The following VCAN variants were observed in gnomAD, a reference collection of about 807,000 sequenced individuals.
VCAN encodes versican.
A neutral mutation model predicts 245.5 loss-of-function variants in VCAN; 44 were observed. That is an observed-to-expected ratio of 0.18 (90% CI 0.14 to 0.23). The LOEUF is 0.23. VCAN is among the 10% of genes least tolerant of loss of function. The pLI is 1.00. For synonymous variants in VCAN, 1,413 were observed against 1,437.0 expected (o/e 0.98, Z 0.38); for missense variants, 3,793 against 4,057.9 (o/e 0.93, Z 1.77).
rs544466397 is a variant in VCAN at position 83,510,887 on chromosome 5, G to A, written c.749-1216G>A. Among the ~76,000 whole-genome samples the A allele has an allele frequency of 1.5e-4, 23 of 152,202 alleles. No individual in the cohort carries two copies. In the South Asian group the frequency reaches 4.8e-3, roughly 32 times the overall value. On this transcript the variant is annotated intron_variant, in intron 5 of 14. Transcript: ENST00000265077. ...TCTCACCACTTTGGGAGGCCGAGGCGGGTGGATCACGAGGTCAGGAGTTTG... is the reference window on the plus strand; with the variant it reads ...TCTCACCACTTTGGGAGGCCGAGGCAGGTGGATCACGAGGTCAGGAGTTTG...
At chr5:83,502,175 G>T (rs1745349134) in intron 5 of VCAN, among the ~76,000 whole-genome samples, 1 of 151,974 alleles carries the variant, frequency 6.6e-6, no homozygotes, top group Non-Finnish European at 1.5e-5. Flanking sequence ...CGTTCTAATT[G>T]TTTTTTAGTG....
In VCAN at chr5:83,519,670, T is replaced by G; in HGVS notation, c.1364T>G (p.Ile455Ser). ...GPLGKLDISE[I>S]KEEVLQSTTG... Reference sequence around the variant, plus strand: ...CTTGGAAAGCTAGACATATCAGAAATTAAGGAAGAAGTGCTCCAGAGTACA... The same window carrying G: ...CTTGGAAAGCTAGACATATCAGAAAGTAAGGAAGAAGTGCTCCAGAGTACA... Residue 455 changes from isoleucine (I) to serine (S), a missense_variant, in exon 7 of 15, where the codon ATT becomes AGT. Physicochemically the swap from Ile to Ser is moderately radical, Grantham distance 142 (BLOSUM62 -2). This residue lies in a region of VCAN where 3,182 missense variants were observed against 3,250.3 expected (regional missense o/e 0.98). Coordinates refer to ENST00000265077, the MANE Select transcript of VCAN (RefSeq NM_004385.5). 6.2e-7 allele frequency: 1 copy of G among 1,614,088 alleles called. No individual in the cohort carries two copies. The highest frequency in any genetic ancestry group is 1.1e-5 in the South Asian group (1 of 91,084).
chr5:83,493,309 G>A (rs1334945100), intron 3 of VCAN, among the ~76,000 whole-genome samples: 3 of 152,164 alleles, frequency 2.0e-5, no homozygotes, highest in Non-Finnish European at 4.4e-5. Flanking sequence ...CTTGATCTAG[G>A]AGATCCCCTA....
chr5:83,492,674 G>A lies in VCAN; in HGVS notation c.446-872G>A, dbSNP rs372170398. Among the ~76,000 whole-genome samples, 127 of 152,286 alleles carry A rather than the reference G, an allele frequency of 8.3e-4. 1 individual carries two copies. The Middle Eastern group carries it at 0.031, about 37-fold the overall frequency. On this transcript the variant is annotated intron_variant, in intron 3 of 14. Transcript: ENST00000265077. Reference sequence around the variant, plus strand: ...ACCACCCCTAAAATACAACAAAGTGGAATTTGAGGCAAGTATCAGGAGCTT... The same window carrying A: ...ACCACCCCTAAAATACAACAAAGTGAAATTTGAGGCAAGTATCAGGAGCTT...
chr5:83,509,052 GAGAAAGAAAGAAA>G lies in VCAN; in HGVS notation c.749-3037_749-3025del, dbSNP rs1403118563. On this transcript the variant is annotated intron_variant, in intron 5 of 14. Coordinates refer to ENST00000265077, the MANE Select transcript of VCAN (RefSeq NM_004385.5). The stretch of plus-strand genomic sequence containing the variant: ...TTTTGAAAAGAAAGAAAGAAAGAAA[GAGAAAGAAAGAAA>G]AGAAAGAAAGAAAGAAAGAGAAAGA... Among the ~76,000 whole-genome samples the G allele has an allele frequency of 7.7e-3, 1,080 of 139,460 alleles. 16 individuals are homozygous for G. The highest frequency in any genetic ancestry group is 0.028 in the African/African-American group (1,016 of 36,366). 91.5% of individuals were successfully genotyped at this position (139,460 alleles called of 152,430 possible).
intron 7 of VCAN, 76 bp from the exon 8 acceptor site, chr5:83,536,931 G>A: frequency 7.7e-7 from 1 of 1,299,704 alleles, no homozygotes; most frequent in Non-Finnish European, 1.1e-6. Flanking sequence ...GGTGTGACCA[G>A]CCTTGCTATC....
chr5:83,545,578 A>T lies in VCAN; in HGVS notation c.9307A>T (p.Thr3103Ser). 6.2e-7 allele frequency: 1 copy of T among 1,614,068 alleles called. No individual in the cohort carries two copies. The highest frequency in any genetic ancestry group is 1.3e-5 in the African/African-American group (1 of 75,006). ...CKMNPCLNGG[T>S]CYPTETSYVC... ...AATGAACCCGTGCCTTAACGGAGGC[A>T]CCTGTTATCCTACTGAAACTTCCTA... is the stretch of plus-strand genomic sequence containing the variant. Residue 3103 changes from threonine to serine, a missense_variant, in exon 9 of 15, where the codon ACC becomes TCC. Thr to Ser is a moderately conservative substitution (Grantham distance 58). This residue lies in a region of VCAN where 3,182 missense variants were observed against 3,250.3 expected (regional missense o/e 0.98). Transcript: ENST00000265077.
In VCAN at chr5:83,520,515, A is replaced by C. The variant is rs1746041211; in HGVS notation, c.2209A>C (p.Thr737Pro). 1 of 1,613,952 alleles carries C rather than the reference A, an allele frequency of 6.2e-7. No individual in the cohort carries two copies. Among genetic ancestry groups the C allele is most frequent in the African/African-American group, 1.3e-5 (1 of 74,942 alleles). The change falls in exon 7 of 15, where the codon ACA (threonine) becomes CCA (proline). Residue 737 changes from threonine (T) to proline (P), a missense_variant. By Grantham distance (38) the Thr-to-Pro change is conservative. Coordinates refer to ENST00000265077, the MANE Select transcript of VCAN (RefSeq NM_004385.5). Reference protein sequence around the residue: ...STSLSEPIHVTESSVEMTKSF... With the variant: ...STSLSEPIHVPESSVEMTKSF... ...ATCTCTCTCAGAGCCAATTCATGTT[A>C]CAGAGTCTTCTGTGGAAATGACCAA... is the stretch of plus-strand genomic sequence containing the variant.
intron 2 of VCAN, among the ~76,000 whole-genome samples, chr5:83,486,291 CT>C (rs1744789955): frequency 6.6e-6 from 1 of 152,188 alleles, no homozygotes; most frequent in Non-Finnish European, 1.5e-5. Flanking sequence ...CTTTCATCTT[CT>C]AGCAAAGTGC....
chr5:83,535,654 A>G (rs536106837), intron 7 of VCAN: 1 of 152,228 alleles, frequency 6.6e-6, no homozygotes, highest in East Asian at 1.9e-4. Context: ...TCTTCTATAC[A>G]TAGAAGGAAA....
intron 12 of VCAN, among the ~76,000 whole-genome samples, chr5:83,558,156 G>C (rs1193450343): frequency 6.6e-6 from 1 of 152,068 alleles, no homozygotes; most frequent in East Asian, 1.9e-4. Flanking sequence ...CAGCCTAGGT[G>C]TCCCTTAAAC....
intron 2 of VCAN, among the ~76,000 whole-genome samples, chr5:83,484,331 A>G (rs1744719629): frequency 1.3e-5 from 2 of 151,714 alleles, no homozygotes; most frequent in Non-Finnish European, 2.9e-5. Context: ...TCCATCATCT[A>G]TCTATTCATC....
At chr5:83,486,733 G>A (rs776447206) in intron 2 of VCAN, among the ~76,000 whole-genome samples, 1 of 152,172 alleles carries the variant, frequency 6.6e-6, no homozygotes, top group Non-Finnish European at 1.5e-5. Flanking sequence ...ACAACATTGA[G>A]TAATTTCTGC....
chr5:83,575,405 C>T lies in VCAN; in HGVS notation c.9880+2845C>T, dbSNP rs187466842. On this transcript the variant is annotated intron_variant, in intron 13 of 14. Coordinates refer to ENST00000265077, the MANE Select transcript of VCAN (RefSeq NM_004385.5). ...CAAGTATTTTCTATTTTTCTTTTTC[C>T]GGTGTAGGAATCTTTACTAAATTAT... Among the ~76,000 whole-genome samples the T allele has an allele frequency of 5.4e-3, 828 of 152,198 alleles. 8 individuals carry two copies. The highest frequency in any genetic ancestry group is 6.8e-3 in the Middle Eastern group (2 of 294).
intron 12 of VCAN, among the ~76,000 whole-genome samples, chr5:83,565,202 T>C (rs1748026790): frequency 6.6e-6 from 1 of 152,178 alleles, no homozygotes; most frequent in Admixed American, 6.5e-5. Context: ...CTCAAGTCTG[T>C]GTATTGGACA....
At chr5:83,558,098 T>C (rs1428309490) in intron 12 of VCAN, among the ~76,000 whole-genome samples, 1 of 152,142 alleles carries the variant, frequency 6.6e-6, no homozygotes, top group Non-Finnish European at 1.5e-5. Context: ...CCTGCCCACT[T>C]TCTTGCTTTT....
At chr5:83,567,369 T>C (rs1056953553) in intron 12 of VCAN, among the ~76,000 whole-genome samples, 3 of 152,090 alleles carry the variant, frequency 2.0e-5, no homozygotes, top group Non-Finnish European at 4.4e-5. Context: ...GGTGCGATCT[T>C]GGCTCACTGC....
chr5:83,579,388 C>T (rs771551056), intron 13 of VCAN, among the ~76,000 whole-genome samples: 1 of 152,168 alleles, frequency 6.6e-6, no homozygotes, highest in South Asian at 2.1e-4. Flanking sequence ...CTAAGCCTCC[C>T]GAGTAGCTGG....
chr5:83,572,299 A>G (rs776695588), intron 12 of VCAN, 117 bp from the exon 13 acceptor site: 70 of 1,257,998 alleles, frequency 5.6e-5, no homozygotes, highest in Non-Finnish European at 8.0e-5. Context: ...AATTTCAGCT[A>G]TATGAAACAA....
Sources: allele counts gnomAD v4.1 joint callset (sites outside exome capture counted in the v4.1 genomes callset), GRCh38; gene constraint gnomAD v4.1.1; regional missense constraint gnomAD v4.1.1; transcripts MANE v1.5; gene names NCBI Gene and HGNC (gene_info 2026-07-23, HGNC 2026-07-21).